Variants in PDE4D observed in about 807,000 individuals in gnomAD.
PDE4D encodes the protein 3',5'-cyclic-AMP phosphodiesterase 4D.
Under a neutral mutation model 87.4 loss-of-function variants are expected in PDE4D, and 24 were observed. The observed-to-expected ratio is 0.27, with a 90% confidence interval of 0.20 to 0.39. The LOEUF (loss-of-function observed/expected upper bound fraction) is 0.39, where lower values mean the gene tolerates loss of function less well. PDE4D is among the 10% of genes least tolerant of loss of function. The pLI is 1.00. For synonymous variants in PDE4D, 384 were observed against 383.2 expected (o/e 1.00, Z -0.02); for missense variants, 714 against 1,041.0 (o/e 0.69, Z 4.32).
intron 1 of PDE4D, among the ~76,000 whole-genome samples, chr5:59,748,692 C>T (rs958348664): frequency 6.6e-6 from 1 of 151,888 alleles, no homozygotes; most frequent in Admixed American, 6.6e-5. Context: ...AGGAGATATA[C>T]CTAATGTAAA....
chr5:59,499,512 A>T (rs535094292), intron 1 of PDE4D, among the ~76,000 whole-genome samples: 8 of 152,020 alleles, frequency 5.3e-5, no homozygotes, highest in African/African-American at 1.7e-4. Context: ...GGATAAAAAA[A>T]GATTGATATA....
intron 1 of PDE4D, among the ~76,000 whole-genome samples, chr5:59,445,599 A>T (rs771744348): frequency 6.6e-6 from 1 of 152,228 alleles, no homozygotes; most frequent in Non-Finnish European, 1.5e-5. Context: ...CATAATACAG[A>T]CAAAAATAAC....
chr5:58,994,943 G>A (rs959794024), intron 6 of PDE4D, among the ~76,000 whole-genome samples: 1 of 120,604 alleles, frequency 8.3e-6, no homozygotes, highest in Admixed American at 1.2e-4. Flanking sequence ...GCCCCAATGT[G>A]TGATGTTCCC....
intron 3 of PDE4D, among the ~76,000 whole-genome samples, chr5:59,913,707 A>G (rs1044374736): frequency 6.6e-6 from 1 of 152,186 alleles, no homozygotes; most frequent in Non-Finnish European, 1.5e-5. Context: ...TTGACATATT[A>G]ACTTCCACTT....
At chr5:59,259,741 T>C (rs1761641946) in intron 1 of PDE4D, among the ~76,000 whole-genome samples, 1 of 151,778 alleles carries the variant, frequency 6.6e-6, no homozygotes, top group Non-Finnish European at 1.5e-5. Flanking sequence ...TATTTACCCA[T>C]CAAAAACAAG....
chr5:60,247,848 A>G (rs1015357015), intron 1 of PDE4D, among the ~76,000 whole-genome samples: 2 of 152,034 alleles, frequency 1.3e-5, no homozygotes, highest in South Asian at 2.1e-4. Context: ...CATTAATTCA[A>G]TACAACTTGT....
intron 3 of PDE4D, among the ~76,000 whole-genome samples, chr5:59,941,975 G>C (rs910999035): frequency 1.3e-5 from 2 of 152,158 alleles, no homozygotes; most frequent in Non-Finnish European, 2.9e-5. Flanking sequence ...AAACACTGAA[G>C]TTCTGTTCCT....
chr5:59,394,734 T>G (rs1004648498), intron 1 of PDE4D, among the ~76,000 whole-genome samples: 7 of 152,180 alleles, frequency 4.6e-5, no homozygotes, highest in African/African-American at 1.4e-4. Flanking sequence ...GGAGCCAAGA[T>G]GGCCGAATAG....
intron 1 of PDE4D, among the ~76,000 whole-genome samples, chr5:59,562,790 T>C (rs1431997186): frequency 6.6e-6 from 1 of 152,040 alleles, no homozygotes; most frequent in Admixed American, 6.5e-5. Context: ...AAGAAAAGCA[T>C]CTTATTTTCT....
At position 60,060,593 on chromosome 5, in the gene PDE4D, C is replaced by T. The variant is rs535181484; in HGVS notation, c.43-71876G>A. Among the ~76,000 whole-genome samples the T allele has an allele frequency of 5.9e-5, 9 of 152,152 alleles. 1 individual carries two copies. The highest frequency in any genetic ancestry group is 5.9e-4 in the Admixed American group (9 of 15,248). On this transcript the variant is annotated intron_variant, in intron 2 of 16. Transcript: ENST00000502484. The stretch of plus-strand genomic sequence containing the variant: ...CCTTTCCCTGAGGAGTTGATTTCAA[C>T]TGTCCTACATGTTCCTTCACTACAG...
intron 3 of PDE4D, among the ~76,000 whole-genome samples, chr5:59,976,995 CT>C (rs1414254177): frequency 1.3e-5 from 2 of 152,190 alleles, no homozygotes; most frequent in Admixed American, 1.3e-4. Flanking sequence ...CCCAATTTCT[CT>C]CTTTTCCTCA....
intron 1 of PDE4D, among the ~76,000 whole-genome samples, chr5:60,504,364 T>C (rs1750232058): frequency 6.6e-6 from 1 of 152,044 alleles, no homozygotes; most frequent in African/African-American, 2.4e-5. Context: ...TTTAGGTATA[T>C]ATTTTTAGCA....
rs1230816125 is a variant in PDE4D, at chr5:59,170,107, T to C, written c.808+10488A>G. ...GTGCAGTGGCATGATCATGGTTCAC[T>C]GCAGCATCAACTTCCTGGGCATAAA... On this transcript the variant is annotated intron_variant, in intron 5 of 14. Coordinates refer to ENST00000340635, the MANE Select transcript of PDE4D (RefSeq NM_001104631.2). Among the ~76,000 whole-genome samples the C allele has an allele frequency of 2.0e-5, 3 of 152,324 alleles. No individual in the cohort carries two copies. In the East Asian group the frequency reaches 5.8e-4, roughly 29 times the overall value.
At chr5:60,246,318 C>A (rs12187669) in intron 1 of PDE4D, among the ~76,000 whole-genome samples, 12,445 of 142,034 alleles carry the variant, frequency 0.088, 524 homozygotes, top group Non-Finnish European at 0.1. Context: ...ATGTGGGATT[C>A]TTTTTGTTGT....
chr5:60,251,001 C>T (rs1288379005), intron 1 of PDE4D, among the ~76,000 whole-genome samples: 2 of 151,642 alleles, frequency 1.3e-5, no homozygotes, highest in South Asian at 4.2e-4. Flanking sequence ...GTATTTGTAT[C>T]TTAGTTGTTA....
chr5:59,363,813 A>C (rs1582169268), intron 1 of PDE4D, among the ~76,000 whole-genome samples: 1 of 152,120 alleles, frequency 6.6e-6, no homozygotes, highest in Admixed American at 6.6e-5. Context: ...TTGGCCTGTG[A>C]GCCTGGGGTG....
At chr5:60,414,257 G>C (rs1363311500) in intron 1 of PDE4D, among the ~76,000 whole-genome samples, 2 of 151,956 alleles carry the variant, frequency 1.3e-5, no homozygotes, top group East Asian at 1.9e-4. Context: ...ATATTCTTTA[G>C]GTAGTTTTTA....
chr5:59,318,479 T>G (rs1282875973), intron 1 of PDE4D, among the ~76,000 whole-genome samples: 1 of 152,132 alleles, frequency 6.6e-6, no homozygotes, highest in Non-Finnish European at 1.5e-5. Flanking sequence ...AGTTGTCTGT[T>G]TCATGAAGGA....
intron 1 of PDE4D, among the ~76,000 whole-genome samples, chr5:59,817,494 C>G (rs1769105317): frequency 6.6e-6 from 1 of 152,114 alleles, no homozygotes; most frequent in African/African-American, 2.4e-5. Context: ...TGTATTGCGT[C>G]CCTCACCCCA....
Sources: allele counts gnomAD v4.1 joint callset (sites outside exome capture counted in the v4.1 genomes callset), GRCh38; gene constraint gnomAD v4.1.1; transcripts MANE v1.5; gene names NCBI Gene and HGNC (gene_info 2026-07-23, HGNC 2026-07-21).